Variants in DMD observed in about 807,000 individuals in gnomAD.
The protein encoded by DMD is dystrophin, also known as mutant dystrophin.
DMD carries 63 observed loss-of-function variants against 330.1 expected under a neutral mutation model. The ratio of observed to expected loss-of-function variants is 0.19; its 90% confidence interval spans 0.16 to 0.24. The LOEUF is 0.24. Ranked by LOEUF, DMD falls within the 10% of genes least tolerant of loss-of-function variation. The pLI, the probability that DMD is intolerant of heterozygous loss-of-function variation, is 1.00. For missense variants in DMD, 3,344 were observed against 2,684.1 expected (o/e 1.25, Z -5.43); for synonymous variants, 1,223 against 959.8 (o/e 1.27, Z -5.07).
rs763120611 is a variant in DMD at position 31,645,358 on chromosome X, T to G, written c.8027+12632A>C. Reference sequence around the variant, plus strand: ...TGCCAGAGAATCAATCTCTATCCTCTCTCTGTCTCTAGCTAGCTAGCTAAT... The same window carrying G: ...TGCCAGAGAATCAATCTCTATCCTCGCTCTGTCTCTAGCTAGCTAGCTAAT... On this transcript the variant is annotated intron_variant, in intron 54 of 78. Transcript: ENST00000357033. Among the ~76,000 whole-genome samples, 19 of 112,157 alleles carry G rather than the reference T, an allele frequency of 1.7e-4. No individual in the cohort carries two copies. The East Asian group carries it at 5.3e-3, about 32-fold the overall frequency.
chrX:32,052,139 T>C (rs1032527002), intron 44 of DMD, among the ~76,000 whole-genome samples: 4 of 111,784 alleles, frequency 3.6e-5, no homozygotes, highest in Non-Finnish European at 7.5e-5. Flanking sequence ...GGGCAGACCA[T>C]CTAGGCATAG....
chrX:32,655,192 T>G (rs1569406331), intron 9 of DMD, among the ~76,000 whole-genome samples: 2 of 112,015 alleles, frequency 1.8e-5, no homozygotes, highest in African/African-American at 6.5e-5. Flanking sequence ...TTTGAATGTG[T>G]TTGCTCTTGC....
At chrX:31,924,109 G>A (rs1167175989) in intron 47 of DMD, among the ~76,000 whole-genome samples, 4 of 108,961 alleles carry the variant, frequency 3.7e-5, no homozygotes, top group African/African-American at 6.7e-5. Flanking sequence ...TTTTTTTTCC[G>A]GGGTTCCATA....
chrX:32,676,883 T>G (rs756630494), intron 9 of DMD, among the ~76,000 whole-genome samples: 1 of 111,785 alleles, frequency 8.9e-6, no homozygotes, highest in African/African-American at 3.2e-5. Context: ...TTATTTCCTA[T>G]CTTCAGTTTT....
At chrX:33,306,173 C>T (rs1162390693) in intron 1 of DMD, among the ~76,000 whole-genome samples, 1 of 111,904 alleles carries the variant, frequency 8.9e-6, no homozygotes, top group Non-Finnish European at 1.9e-5. Context: ...TAACCTTTCT[C>T]CCTATGCAGT....
At chrX:32,166,321 G>GT (rs1180731171) in intron 44 of DMD, among the ~76,000 whole-genome samples, 1 of 110,505 alleles carries the variant, frequency 9.0e-6, no homozygotes, top group Admixed American at 9.7e-5. Flanking sequence ...GCTGGGTATC[G>GT]TGGTACATGC....
chrX:33,141,196 A>G, intron 1 of DMD, among the ~76,000 whole-genome samples: 1 of 111,410 alleles, frequency 9.0e-6, no homozygotes, highest in Middle Eastern at 4.7e-3. Context: ...TGGCTCCAGA[A>G]CCCATGCGTC....
At chrX:32,986,338 A>T (rs1290924603) in intron 2 of DMD, among the ~76,000 whole-genome samples, 1 of 112,578 alleles carries the variant, frequency 8.9e-6, no homozygotes, top group African/African-American at 3.2e-5. Flanking sequence ...TCAGTTACTT[A>T]GAAATTTAGT....
At chrX:33,232,169 T>C (rs922046743) in intron 1 of DMD, among the ~76,000 whole-genome samples, 1 of 112,113 alleles carries the variant, frequency 8.9e-6, no homozygotes, top group South Asian at 3.7e-4. Flanking sequence ...TTGCTGCCAG[T>C]AGATCTGCCT....
At chrX:32,509,623 C>A (rs1014133265) in intron 18 of DMD, among the ~76,000 whole-genome samples, 7 of 111,974 alleles carry the variant, frequency 6.3e-5, no homozygotes, top group Non-Finnish European at 1.3e-4. Context: ...CAAGCTACTG[C>A]ATTCAATGAC....
At chrX:32,828,966 G>C (rs1196962227) in intron 4 of DMD, among the ~76,000 whole-genome samples, 1 of 111,311 alleles carries the variant, frequency 9.0e-6, no homozygotes, top group Non-Finnish European at 1.9e-5. Flanking sequence ...CTATATGGTA[G>C]TTTTCTTTTC....
chrX:31,911,801 G>A (rs996125983), intron 47 of DMD, among the ~76,000 whole-genome samples: 1 of 111,181 alleles, frequency 9.0e-6, no homozygotes, highest in Admixed American at 9.6e-5. Context: ...ACCAATCATC[G>A]AAGCTGATCC....
At chrX:31,135,270 T>C (rs2147788993) in intron 76 of DMD, among the ~76,000 whole-genome samples, 1 of 111,924 alleles carries the variant, frequency 8.9e-6, no homozygotes, top group South Asian at 3.8e-4. Context: ...GTTGAGACAC[T>C]GAGGTCTTTT....
chrX:32,260,104 G>A (rs752542478), intron 43 of DMD, among the ~76,000 whole-genome samples: 1 of 111,241 alleles, frequency 9.0e-6, no homozygotes, highest in East Asian at 2.8e-4. Flanking sequence ...TTCCCTTGAG[G>A]TTTCGTGAGT....
chrX:33,205,978 A>T (rs2051550477), intron 1 of DMD, among the ~76,000 whole-genome samples: 2 of 111,556 alleles, frequency 1.8e-5, no homozygotes, highest in African/African-American at 6.5e-5. Flanking sequence ...AATTATCTTA[A>T]TCCTCTCCAA....
intron 55 of DMD, among the ~76,000 whole-genome samples, chrX:31,537,123 A>G (rs187017572): frequency 0.011 from 1,187 of 112,404 alleles, 6 homozygotes; most frequent in Non-Finnish European, 0.017. Flanking sequence ...AATCACTTGC[A>G]TAAAGGTTGT....
chrX:31,817,405 C>T (rs1384950838), intron 50 of DMD, among the ~76,000 whole-genome samples: 1 of 110,199 alleles, frequency 9.1e-6, no homozygotes. Flanking sequence ...TGAACTACCA[C>T]AGTAAAGAAA....
At chrX:32,835,798 AAAAG>A (rs1569531615) in intron 4 of DMD, among the ~76,000 whole-genome samples, 1 of 111,634 alleles carries the variant, frequency 9.0e-6, no homozygotes, top group African/African-American at 3.3e-5. Context: ...GACCCTAAGG[AAAAG>A]AGAGAAGACA....
chrX:32,681,195 A>G (rs765289224), intron 9 of DMD, among the ~76,000 whole-genome samples: 3 of 111,338 alleles, frequency 2.7e-5, no homozygotes, highest in African/African-American at 6.5e-5. Flanking sequence ...TTCTTTTCTT[A>G]TCTAAGCCTC....
Sources: gnomAD v4.1 joint callset for allele counts (sites outside exome capture counted in the v4.1 genomes callset) on GRCh38, gnomAD v4.1.1 for gene constraint, MANE v1.5 for transcripts, NCBI Gene and HGNC (gene_info 2026-07-23, HGNC 2026-07-21) for gene names.